Variants in NCF2 observed in about 807,000 individuals in gnomAD.
NCF2 encodes neutrophil cytosol factor 2.
In NCF2, 45 loss-of-function variants were observed where a neutral mutation model predicts 70.9. That is an observed-to-expected ratio of 0.63 (90% confidence interval 0.50 to 0.81). The LOEUF is 0.81. NCF2 is among the 40% of genes least tolerant of loss of function. The probability of loss-of-function intolerance (pLI) is 0.00; values close to 1 mark genes in which losing one functional copy is unlikely to be tolerated. For missense variants in NCF2, 522 were observed against 631.6 expected, an observed-to-expected ratio of 0.83 and a Z score of 1.86; for synonymous variants, 203 against 233.6, an observed-to-expected ratio of 0.87 and a Z score of 1.19.
At chr1:183,598,713 T>C in the NCF2 span, among the ~76,000 whole-genome samples, 1 of 152,226 alleles carries the variant, frequency 6.6e-6, no homozygotes, top group Non-Finnish European at 1.5e-5. Context: ...AAAGCAAAAC[T>C]GCTCAGCTCC....
chr1:183,574,287 G>A (rs1173150181), intron 4 of NCF2, among the ~76,000 whole-genome samples, 200 bp downstream of exon 4: 1 of 152,110 alleles, frequency 6.6e-6, no homozygotes. Flanking sequence ...GTGATGCCAG[G>A]GCTCTGCCAT....
rs17849501 is a variant in NCF2 at position 183,573,188 on chromosome 1, C to T, written c.606G>A (p.Ala202=). ...QLAKKDYLGK[A]TVVASVVDQD... is the part of the protein sequence containing the mutation. ...GAAGCTGAGCAATCCCACCTACCGT[C>T]GCCTTGCCTAGGTAATCCTTCTTGG... is the stretch of plus-strand genomic sequence containing the variant. The change falls in exon 5 of 15, where the codon GCG becomes GCA. Residue 202 remains alanine (A), a synonymous_variant. Coordinates refer to ENST00000367535, the MANE Select transcript of NCF2 (RefSeq NM_000433.4). 71,279 of 1,613,450 alleles carry T rather than the reference C, an allele frequency of 0.044. 1,806 individuals carry two copies. Among genetic ancestry groups the T allele is most frequent in the Non-Finnish European group, 0.051 (60,062 of 1,179,432 alleles).
chr1:183,595,388 C>T (rs1470923763), upstream of NCF2, among the ~76,000 whole-genome samples: 3 of 152,172 alleles, frequency 2.0e-5, no homozygotes, highest in African/African-American at 4.8e-5. Flanking sequence ...TCTAATCTGT[C>T]GTTGGGTTGG....
In NCF2 at chr1:183,563,498, A is replaced by G. The variant is rs941229841; in HGVS notation, c.1114T>C (p.Tyr372His). 8.1e-6 allele frequency: 13 copies of G among 1,613,996 alleles called. No individual in the cohort carries two copies. Among genetic ancestry groups the G allele is most frequent in the Non-Finnish European group, 1.1e-5 (13 of 1,180,022 alleles). ...GACACCATGTCCCGGACCTGGCTGT[A>G]GGGGAGCCCGGGCTGAGTCTTCATG... ...VVMKTQPGLPYSQVRDMVSKK... is the reference protein window; with the variant it reads ...VVMKTQPGLPHSQVRDMVSKK... Residue 372 changes from tyrosine (Y) to histidine (H), a missense_variant, in exon 12 of 15, where the codon TAC becomes CAC. By Grantham distance (83) the Tyr-to-His change is moderately conservative. Transcript: ENST00000367535.
At chr1:183,597,771 TC>T in the NCF2 span, 1 of 152,356 alleles carries the variant, frequency 6.6e-6, no homozygotes, top group African/African-American at 2.4e-5. Context: ...CCCTGTAGTG[TC>T]CCTAACGACC....
At chr1:183,560,074 A>G (rs1025918985) in intron 14 of NCF2, 22 bp downstream of exon 14, 11 of 1,611,182 alleles carry the variant, frequency 6.8e-6, no homozygotes, top group African/African-American at 2.7e-5. Context: ...ATTTGTTTCT[A>G]TAGTCTTGGA....
At chr1:183,592,698 A>C (rs1281789195), upstream of NCF2, among the ~76,000 whole-genome samples, 4 of 152,166 alleles carry the variant, frequency 2.6e-5, no homozygotes, top group African/African-American at 9.7e-5. Flanking sequence ...GAGAAAACCA[A>C]ATGGATTTGT....
At chr1:183,559,833 TG>T (rs1475370423) in intron 14 of NCF2, among the ~76,000 whole-genome samples, 2 of 152,312 alleles carry the variant, frequency 1.3e-5, no homozygotes, top group African/African-American at 4.8e-5. Flanking sequence ...CACTCCAGCC[TG>T]GGCAACAGAG....
intron 2 of NCF2, among the ~76,000 whole-genome samples, chr1:183,583,371 G>A (rs542995883): frequency 5.9e-4 from 90 of 152,208 alleles, no homozygotes; most frequent in African/African-American, 1.8e-3. Context: ...GGGAATTTCT[G>A]TCCCACACAT....
upstream of NCF2, among the ~76,000 whole-genome samples, chr1:183,595,152 C>T (rs10911368): frequency 0.47 from 71,243 of 152,088 alleles, 17,368 homozygotes; most frequent in African/African-American, 0.59. Flanking sequence ...GGGAAAAGAA[C>T]GCACTTTTTT....
intron 2 of NCF2, among the ~76,000 whole-genome samples, chr1:183,585,969 G>A (rs1673330527): frequency 6.6e-6 from 1 of 152,294 alleles, no homozygotes; most frequent in Non-Finnish European, 1.5e-5. Context: ...TTTGATCTAT[G>A]GCCTTCCAGA....
At chr1:183,596,555 C>T in the NCF2 span, among the ~76,000 whole-genome samples, 10 of 151,888 alleles carry the variant, frequency 6.6e-5, no homozygotes, top group South Asian at 4.2e-4. Flanking sequence ...GGGCGGATCA[C>T]GAGGTGAGGA....
At chr1:183,591,728 C>T (rs767857697), upstream of NCF2, among the ~76,000 whole-genome samples, 26 of 152,118 alleles carry the variant, frequency 1.7e-4, no homozygotes, top group Non-Finnish European at 3.5e-4. Context: ...TCAGGTGATT[C>T]GGCCTCCTCG....
chr1:183,571,209 C>T (rs1672546138), intron 5 of NCF2, among the ~76,000 whole-genome samples: 1 of 142,234 alleles, frequency 7.0e-6, no homozygotes, highest in South Asian at 2.2e-4. Flanking sequence ...CCTCTGCCTT[C>T]CAGGTTCAAG....
At position 183,560,111 on chromosome 1, in the gene NCF2, G is replaced by A; in HGVS notation, c.1453C>T (p.Leu485=). 1.2e-6 allele frequency: 2 copies of A among 1,614,080 alleles called. No individual in the cohort carries two copies. The highest frequency in any genetic ancestry group is 1.7e-6 in the Non-Finnish European group (2 of 1,179,988). Reference sequence around the variant, plus strand: ...TAGCACTTACCCTTTGATAACACCAGGATTATATCCCCTTCCTGAAACTCC... The same window carrying A: ...TAGCACTTACCCTTTGATAACACCAAGATTATATCCCCTTCCTGAAACTCC... ...DLEFQEGDII[L]VLSKVNEEWL... The change falls in exon 14 of 15, where the codon CTG becomes TTG. Residue 485 remains leucine (L), a synonymous_variant. Transcript: ENST00000367535.
rs570742962 is a variant in NCF2, at chr1:183,573,667, T to A, written c.502-375A>T. On this transcript the variant is annotated intron_variant, in intron 4 of 14. Coordinates refer to ENST00000367535, the MANE Select transcript of NCF2 (RefSeq NM_000433.4). ...AGTGCTCCCTTGGATGGGTGTTTGC[T>A]GATGAGGATAGACATATAAAGACTG... Among the ~76,000 whole-genome samples, 188 of 152,370 alleles carry A rather than the reference T, an allele frequency of 1.2e-3. 2 individuals are homozygous for A. The highest frequency in any genetic ancestry group is 3.6e-3 in the African/African-American group (149 of 41,588).
chr1:183,600,189 C>A, the NCF2 span, among the ~76,000 whole-genome samples: 4 of 152,190 alleles, frequency 2.6e-5, no homozygotes, highest in Admixed American at 2.6e-4. Flanking sequence ...TTTAAAAACC[C>A]AACTGCCCAA....
In NCF2 at chr1:183,574,469, CAT is replaced by C; in HGVS notation, c.501+16_501+17del. 1 of 1,614,142 alleles carries C rather than the reference CAT, an allele frequency of 6.2e-7. No homozygotes were observed. Among genetic ancestry groups the C allele is most frequent in the Non-Finnish European group, 8.5e-7 (1 of 1,179,966 alleles). Reference sequence around the variant, plus strand: ...TCCAGTGACATCCTCTCAACACCTGCATCACCAATACGCTTACCCAGACACAC... The same window carrying C: ...TCCAGTGACATCCTCTCAACACCTGCCACCAATACGCTTACCCAGACACAC... On this transcript the variant is annotated intron_variant, in intron 4 of 14. Coordinates refer to ENST00000367535, the MANE Select transcript of NCF2 (RefSeq NM_000433.4).
At chr1:183,598,026 G>C in the NCF2 span, 1 of 152,258 alleles carries the variant, frequency 6.6e-6, no homozygotes. Flanking sequence ...AGGACTGAGA[G>C]GTGTATAAAC....
Sources: gnomAD v4.1 joint callset for allele counts (sites outside exome capture counted in the v4.1 genomes callset) on GRCh38, gnomAD v4.1.1 for gene constraint, MANE v1.5 for transcripts, NCBI Gene and HGNC (gene_info 2026-07-23, HGNC 2026-07-21) for gene names.